Variants in OPRM1 observed in about 807,000 individuals in gnomAD.
OPRM1 encodes mu-type opioid receptor.
Under a neutral mutation model 31.8 loss-of-function variants are expected in OPRM1, and 27 were observed. The observed-to-expected ratio is 0.85, with a 90% CI of 0.63 to 1.17. OPRM1 has a LOEUF of 1.17. Ranked by LOEUF, OPRM1 falls within the 50% of genes most tolerant of loss-of-function variation. OPRM1 has a pLI of 0.00. For missense variants in OPRM1, 536 were observed against 511.1 expected (o/e 1.05, Z -0.47); for synonymous variants, 196 against 189.9 (o/e 1.03, Z -0.26).
At chr6:154,109,790 C>CTGTGTGTGTGTGTG (rs1175778241) in intron 3 of OPRM1, among the ~76,000 whole-genome samples, 1 of 76,982 alleles carries the variant, frequency 1.3e-5, no homozygotes, top group African/African-American at 4.3e-5. Flanking sequence ...CTCTCTCTCT[C>CTGTGTGTGTGTGTG]TCTGTGTGTG....
At chr6:154,214,240 C>T in intron 3 of OPRM1, 1 of 1,610,766 alleles carries the variant, frequency 6.2e-7, no homozygotes, top group Non-Finnish European at 8.5e-7. Context: ...TAGTGGATTC[C>T]TGATGGATTA....
At chr6:154,091,619 G>A (rs1215725049) in intron 3 of OPRM1, 147 bp downstream of exon 3, 5 of 1,428,074 alleles carry the variant, frequency 3.5e-6, no homozygotes, top group Admixed American at 5.9e-5. Flanking sequence ...TTAGAGAAGA[G>A]GTTTGTTATA....
At chr6:154,018,073 A>T (rs375507359) in intron 1 of OPRM1, among the ~76,000 whole-genome samples, 1 of 152,260 alleles carries the variant, frequency 6.6e-6, no homozygotes, top group South Asian at 2.1e-4. Flanking sequence ...TTTGTTTAAC[A>T]TGCAGCTGCG....
At chr6:154,072,780 A>T (rs1787068723) in intron 1 of OPRM1, among the ~76,000 whole-genome samples, 1 of 152,224 alleles carries the variant, frequency 6.6e-6, no homozygotes. Flanking sequence ...CTACTGATAA[A>T]TATCTTTATG....
intron 1 of OPRM1, among the ~76,000 whole-genome samples, chr6:154,056,966 A>G (rs1783432946): frequency 6.6e-6 from 1 of 152,240 alleles, no homozygotes; most frequent in South Asian, 2.1e-4. Context: ...TGGTAGTCCT[A>G]TTAAAAGCAG....
intron 1 of OPRM1, among the ~76,000 whole-genome samples, chr6:154,064,701 G>A (rs1221943357): frequency 6.6e-6 from 1 of 152,112 alleles, no homozygotes; most frequent in African/African-American, 2.4e-5. Flanking sequence ...TTATTCTCTT[G>A]CATGTGAATG....
chr6:154,031,697 C>T (rs972328435), intron 1 of OPRM1, among the ~76,000 whole-genome samples: 11 of 152,072 alleles, frequency 7.2e-5, no homozygotes, highest in East Asian at 1.9e-4. Context: ...GCCGAGATCG[C>T]GCCATTGCAC....
At chr6:154,173,573 T>C (rs1800051719) in intron 3 of OPRM1, among the ~76,000 whole-genome samples, 1 of 152,116 alleles carries the variant, frequency 6.6e-6, no homozygotes, top group African/African-American at 2.4e-5. Context: ...AGGGGATCAG[T>C]GATTGAAGAT....
chr6:154,150,060 A>G (rs13196610), intron 3 of OPRM1, among the ~76,000 whole-genome samples: 9,098 of 152,164 alleles, frequency 0.06, 336 homozygotes, highest in Non-Finnish European at 0.067. Flanking sequence ...TAATAATTCA[A>G]TTGTTTGAGT....
intron 3 of OPRM1, among the ~76,000 whole-genome samples, chr6:154,174,446 C>T (rs1170786331): frequency 6.6e-5 from 10 of 151,870 alleles, no homozygotes; most frequent in Admixed American, 6.6e-4. Context: ...CAGAGACACA[C>T]ACAGGCTCAA....
intron 3 of OPRM1, among the ~76,000 whole-genome samples, chr6:154,146,710 T>C (rs185503093): frequency 1.4e-4 from 22 of 152,282 alleles, no homozygotes; most frequent in Admixed American, 1.3e-3. Flanking sequence ...TCATCCTTAA[T>C]ATGCTGTGCT....
intron 3 of OPRM1, among the ~76,000 whole-genome samples, chr6:154,095,645 G>A (rs1793233425): frequency 6.6e-6 from 1 of 152,150 alleles, no homozygotes; most frequent in Non-Finnish European, 1.5e-5. Context: ...TTGATTCAGT[G>A]CCCTAAAGAG....
At chr6:154,045,688 A>G (rs1420656649) in intron 1 of OPRM1, among the ~76,000 whole-genome samples, 1 of 152,222 alleles carries the variant, frequency 6.6e-6, no homozygotes, top group African/African-American at 2.4e-5. Flanking sequence ...ATAACTGAGT[A>G]ACACTTCACC....
rs1014833693 is a variant in OPRM1, at chr6:154,130,628, G to A, written c.*11907G>A. ...AATAGGAATTAAGTTAGAAATACTA[G>A]TATATATATTCCCTTTATATACTAA... On this transcript the variant is annotated 3_prime_UTR_variant, in exon 4 of 4. Coordinates refer to ENST00000330432, the MANE Select transcript of OPRM1 (RefSeq NM_000914.5). 2.6e-5 allele frequency among the ~76,000 whole-genome samples: 4 copies of A among 151,810 alleles called. No individual in the cohort carries two copies. Among genetic ancestry groups the A allele is most frequent in the Non-Finnish European group, 4.4e-5 (3 of 67,988 alleles).
downstream of OPRM1, among the ~76,000 whole-genome samples, chr6:154,137,303 A>T (rs1212651678): frequency 2.6e-5 from 4 of 152,350 alleles, no homozygotes; most frequent in Middle Eastern, 3.4e-3. Flanking sequence ...AAAGGAAAAG[A>T]TAGGAGTATA....
intron 1 of OPRM1, among the ~76,000 whole-genome samples, chr6:154,048,587 T>A (rs2128411848): frequency 6.6e-6 from 1 of 152,352 alleles, no homozygotes; most frequent in Non-Finnish European, 1.5e-5. Flanking sequence ...GAACTGAATA[T>A]CTTCAAAATA....
At chr6:154,184,758 AT>A (rs57518036) in intron 3 of OPRM1, among the ~76,000 whole-genome samples, 1 of 152,024 alleles carries the variant, frequency 6.6e-6, no homozygotes, top group African/African-American at 2.4e-5. Flanking sequence ...GGAAATCTTT[AT>A]TTTTTCTTGG....
chr6:154,086,145 C>T (rs754854860), intron 1 of OPRM1, among the ~76,000 whole-genome samples: 2 of 152,140 alleles, frequency 1.3e-5, no homozygotes, highest in Non-Finnish European at 2.9e-5. Context: ...GCCCACATTA[C>T]TCCTTTTCTG....
chr6:154,213,949 C>T lies in OPRM1; in HGVS notation c.1165-32744C>T, dbSNP rs532888625. On this transcript the variant is annotated intron_variant, in intron 3 of 3. Coordinates refer to the OPRM1 transcript ENST00000337049. ...AAGTGGAGCAATTAAACATTTGCAT[C>T]GGTGACTGTTTGAGATGTCATGAAG... is the stretch of plus-strand genomic sequence containing the variant. Among the ~76,000 whole-genome samples, 4 of 152,268 alleles carry T rather than the reference C, an allele frequency of 2.6e-5. No individual in the cohort carries two copies. In the South Asian group the frequency reaches 8.3e-4, roughly 32 times the overall value.
Sources: allele counts gnomAD v4.1 joint callset (sites outside exome capture counted in the v4.1 genomes callset), GRCh38; gene constraint gnomAD v4.1.1; transcripts MANE v1.5; gene names NCBI Gene and HGNC (gene_info 2026-07-23, HGNC 2026-07-21).